The following TBC1D10B variants were observed in gnomAD, a reference collection of about 807,000 sequenced individuals.
The protein encoded by TBC1D10B is TBC1 domain family member 10B, also known as Rab27A-GAPbeta.
TBC1D10B carries 25 observed loss-of-function variants against 78.4 expected under a neutral mutation model. The ratio of observed to expected loss-of-function variants is 0.32; its 90% CI spans 0.23 to 0.45. TBC1D10B has a LOEUF of 0.45. Ranked by LOEUF, TBC1D10B falls within the 20% of genes least tolerant of loss-of-function variation. The pLI is 1.00. For missense variants in TBC1D10B, 996 were observed against 1,104.8 expected, an observed-to-expected ratio of 0.90 and a Z score of 1.40; for synonymous variants, 517 against 478.0, an observed-to-expected ratio of 1.08 and a Z score of -1.06.
rs753073793 is a variant in TBC1D10B at position 30,358,815 on chromosome 16, C to T, written c.1645G>A (p.Val549Ile). 8.7e-6 allele frequency: 14 copies of T among 1,605,376 alleles called. No homozygotes were observed. In the East Asian group the frequency reaches 1.1e-4, roughly 13 times the overall value. Reference protein sequence around the residue: ...RVWDMFFCEGVKIIFRVALVL... With the variant: ...RVWDMFFCEGIKIIFRVALVL... ...AGGGCCACCCGGAAGATGATCTTAA[C>T]GCCTGCAGGGGTGGAGAGTAGAGAG... Residue 549 changes from valine to isoleucine, a missense_variant and splice_region_variant, in exon 8 of 9, where the codon GTT becomes ATT. Physicochemically the swap from Val to Ile is conservative, Grantham distance 29. Around this residue, in one of 5 missense-constraint regions of TBC1D10B, gnomAD observed 168 missense variants for 238.7 expected, o/e 0.70. Coordinates refer to ENST00000409939, the MANE Select transcript of TBC1D10B (RefSeq NM_015527.4).
Position 30,365,904 on chromosome 16 carries a change from A to C in TBC1D10B, c.957-310T>G, listed in dbSNP as rs1018458890. On this transcript the variant is annotated intron_variant, in intron 1 of 8. Coordinates refer to ENST00000409939, the MANE Select transcript of TBC1D10B (RefSeq NM_015527.4). The surrounding 1 kb of genome is among the most constrained non-coding windows in gnomAD (Gnocchi z 5.0). ...TCTGGATCCACGTCCTAGCTTTACC[A>C]TTTATTCATTGTGTGACCTTGGGCA... The C allele has an allele frequency of 2.4e-5, 8 of 335,020 alleles. No individual in the cohort carries two copies. Among genetic ancestry groups the C allele is most frequent in the African/African-American group, 1.0e-4 (5 of 48,150 alleles). 20.8% of individuals were successfully genotyped at this position (335,020 alleles called of 1,614,324 possible). A position where few individuals can be genotyped will look rare whatever the true frequency, so the allele number is the denominator to read the frequency against.
chr16:30,357,891 G>A lies in TBC1D10B; in HGVS notation c.*53C>T. On this transcript the variant is annotated 3_prime_UTR_variant, in exon 9 of 9. Transcript: ENST00000409939. ...GGGGGTGGCACCTTGGGCCAGGCCT[G>A]TTCTTGGCTGAGGGAAAGAGGGGGG... 6.6e-7 allele frequency: 1 copy of A among 1,515,272 alleles called. No homozygotes were observed. The highest frequency in any genetic ancestry group is 8.8e-7 in the Non-Finnish European group (1 of 1,130,922). 93.9% of individuals were successfully genotyped at this position (1,515,272 alleles called of 1,614,324 possible). A position where few individuals can be genotyped will look rare whatever the true frequency, so the allele number is the denominator to read the frequency against.
rs1203248153 is a variant in TBC1D10B, at chr16:30,370,240, C to T, written c.-57G>A. ...GGGGAGGCCGCAGAAGGCGCCGCCC[C>T]TCGGGCCTCCCGGCGAGGCCAGCCG... On this transcript the variant is annotated 5_prime_UTR_variant, in exon 1 of 9. Transcript: ENST00000409939. 6.3e-6 allele frequency: 6 copies of T among 953,428 alleles called. No individual in the cohort carries two copies. The highest frequency in any genetic ancestry group is 1.0e-4 in the Admixed American group (2 of 19,978). The allele number at this position is 953,428 out of a possible 1,614,324, so 59.1% of individuals were successfully genotyped here. A position where few individuals can be genotyped will look rare whatever the true frequency, so the allele number is the denominator to read the frequency against.
rs1375702308 is a variant in TBC1D10B at position 30,357,169 on chromosome 16, G to A, written c.*775C>T. 2.0e-5 allele frequency: 3 copies of A among 152,872 alleles called. No individual in the cohort carries two copies. In the East Asian group the frequency reaches 5.8e-4, roughly 29 times the overall value. 9.5% of individuals were successfully genotyped at this position (152,872 alleles called of 1,614,324 possible). A position where few individuals can be genotyped will look rare whatever the true frequency, so the allele number is the denominator to read the frequency against. On this transcript the variant is annotated 3_prime_UTR_variant, in exon 9 of 9. Coordinates refer to ENST00000409939, the MANE Select transcript of TBC1D10B (RefSeq NM_015527.4). ...GCATGGGGTGGGGGCAGAGACAGAA[G>A]AGAATGTAAACATTGGGTTCCACCC...
intron 5 of TBC1D10B, 35 bp downstream of exon 5, chr16:30,359,692 C>T: frequency 6.4e-7 from 1 of 1,555,350 alleles, no homozygotes; most frequent in Non-Finnish European, 8.7e-7. Flanking sequence ...GTGAGATCCC[C>T]CCTGCCCCTC....
chr16:30,361,400 A>G (rs1366928730), intron 4 of TBC1D10B, among the ~76,000 whole-genome samples: 1 of 152,188 alleles, frequency 6.6e-6, no homozygotes, highest in East Asian at 1.9e-4. Context: ...CCCATTCTCC[A>G]GTTAGGGTTT....
chr16:30,361,620 G>A (rs554752892), intron 4 of TBC1D10B, among the ~76,000 whole-genome samples: 1 of 152,070 alleles, frequency 6.6e-6, no homozygotes. Context: ...GGTCAGGCTG[G>A]TCTCAAACTC....
chr16:30,363,896 A>G (rs934425576), intron 4 of TBC1D10B, among the ~76,000 whole-genome samples: 11 of 152,162 alleles, frequency 7.2e-5, no homozygotes, highest in African/African-American at 2.7e-4. Context: ...CAGGTGAATC[A>G]CCTAAGGTCA....
Position 30,369,119 on chromosome 16 carries a change from A to T in TBC1D10B, c.956+109T>A. Reference sequence around the variant, plus strand: ...CGCGCTGATCACCCCGTGGATCCTCAGAGGAGGCTGGGCTGCCAGAGTCTG... The same window carrying T: ...CGCGCTGATCACCCCGTGGATCCTCTGAGGAGGCTGGGCTGCCAGAGTCTG... On this transcript the variant is annotated intron_variant, in intron 1 of 8. Transcript: ENST00000409939. This position sits in a 1 kb window ranked among gnomAD's most constrained non-coding sequence, Gnocchi z 4.3. The T allele has an allele frequency of 8.5e-7, 1 of 1,179,418 alleles. No individual in the cohort carries two copies. The highest frequency in any genetic ancestry group is 1.2e-6 in the Non-Finnish European group (1 of 855,192). 73.1% of individuals were successfully genotyped at this position (1,179,418 alleles called of 1,614,324 possible). A position where few individuals can be genotyped will look rare whatever the true frequency, so the allele number is the denominator to read the frequency against.
intron 4 of TBC1D10B, among the ~76,000 whole-genome samples, chr16:30,361,713 GT>G (rs893156502): frequency 3.0e-4 from 44 of 144,782 alleles, no homozygotes; most frequent in Admixed American, 2.7e-4. Flanking sequence ...CCACAAAACT[GT>G]TTTTTTTTTC....
intron 4 of TBC1D10B, among the ~76,000 whole-genome samples, chr16:30,361,798 G>A (rs1567412737): frequency 6.6e-6 from 1 of 151,558 alleles, no homozygotes; most frequent in African/African-American, 2.4e-5. Flanking sequence ...TGAAACCTCT[G>A]CCTCAGCCTC....
Position 30,358,820 on chromosome 16 carries a change from G to A in TBC1D10B, c.1643-3C>T. ...CACCCGGAAGATGATCTTAACGCCT[G>A]CAGGGGTGGAGAGTAGAGAGCATGG... On this transcript the variant is annotated splice_polypyrimidine_tract_variant and splice_region_variant and intron_variant, in intron 7 of 8. Coordinates refer to ENST00000409939, the MANE Select transcript of TBC1D10B (RefSeq NM_015527.4). The A allele has an allele frequency of 6.2e-7, 1 of 1,603,764 alleles. No homozygotes were observed. Among genetic ancestry groups the A allele is most frequent in the South Asian group, 1.1e-5 (1 of 89,292 alleles).
chr16:30,358,754 T>G lies in TBC1D10B; in HGVS notation c.1706A>C (p.Lys569Thr), dbSNP rs1233632982. Reference sequence around the variant, plus strand: ...ATACATGCCTTGGCAGGAGCGCAGCTTCTCCACTGAGCCCAGCGTGTGGCG... The same window carrying G: ...ATACATGCCTTGGCAGGAGCGCAGCGTCTCCACTGAGCCCAGCGTGTGGCG... Reference protein sequence around the residue: ...LLRHTLGSVEKLRSCQGMYET... With the variant: ...LLRHTLGSVETLRSCQGMYET... Residue 569 changes from lysine (K) to threonine (T), a missense_variant, in exon 8 of 9, where the codon AAG becomes ACG. This residue lies in a region of TBC1D10B where 168 missense variants were observed against 238.7 expected (regional missense o/e 0.70). Coordinates refer to ENST00000409939, the MANE Select transcript of TBC1D10B (RefSeq NM_015527.4). The G allele has an allele frequency of 6.2e-7, 1 of 1,609,742 alleles. No homozygotes were observed. The highest frequency in any genetic ancestry group is 1.7e-5 in the Admixed American group (1 of 59,336).
intron 4 of TBC1D10B, among the ~76,000 whole-genome samples, chr16:30,361,954 C>T (rs1480282132): frequency 6.6e-6 from 1 of 152,136 alleles, no homozygotes; most frequent in Admixed American, 6.5e-5. Flanking sequence ...TCACACCATT[C>T]TCCTGCCTCA....
At position 30,369,758 on chromosome 16, in the gene TBC1D10B, G is replaced by T; in HGVS notation, c.426C>A (p.Pro142=). The T allele has an allele frequency of 6.9e-7, 1 of 1,453,418 alleles. No homozygotes were observed. Among genetic ancestry groups the T allele is most frequent in the Non-Finnish European group, 9.1e-7 (1 of 1,100,320 alleles). The allele number at this position is 1,453,418 out of a possible 1,614,324, so 90.0% of individuals were successfully genotyped here. Residue 142 remains proline (P), a synonymous_variant, in exon 1 of 9, where the codon CCC becomes CCA. Coordinates refer to ENST00000409939, the MANE Select transcript of TBC1D10B (RefSeq NM_015527.4). This position sits in a 1 kb window ranked among gnomAD's most constrained non-coding sequence, Gnocchi z 4.3. ...SPKTEEARPS[P]APGPGTPTGT... ...CGGTGGGGGTCCCTGGTCCTGGGGC[G>T]GGTGAGGGTCGAGCCTCCTCTGTCT...
rs543130803 is a variant in TBC1D10B, at chr16:30,365,658, G to A, written c.957-64C>T. The A allele has an allele frequency of 1.3e-5, 19 of 1,482,562 alleles. No individual in the cohort carries two copies. Among genetic ancestry groups the A allele is most frequent in the Non-Finnish European group, 1.8e-5 (19 of 1,067,528 alleles). 91.8% of individuals were successfully genotyped at this position (1,482,562 alleles called of 1,614,324 possible). A position where few individuals can be genotyped will look rare whatever the true frequency, so the allele number is the denominator to read the frequency against. On this transcript the variant is annotated intron_variant, in intron 1 of 8. Transcript: ENST00000409939. This position sits in a 1 kb window ranked among gnomAD's most constrained non-coding sequence, Gnocchi z 5.0. ...TAGTGTAAAACCTGCATTGCAGGGG[G>A]AACTGAGGCAAGCCACCTCCCCAAG...
chr16:30,357,512 G>A lies in TBC1D10B; in HGVS notation c.*432C>T, dbSNP rs1257210953. On this transcript the variant is annotated 3_prime_UTR_variant, in exon 9 of 9. Transcript: ENST00000409939. ...CAATTACAACACAGGTCCAGAATGA[G>A]AGCCCTGGCCAGGAAGTGGGGGAGA... 2 of 217,014 alleles carry A rather than the reference G, an allele frequency of 9.2e-6. No homozygotes were observed. Among genetic ancestry groups the A allele is most frequent in the East Asian group, 2.1e-4 (2 of 9,642 alleles). 13.4% of individuals were successfully genotyped at this position (217,014 alleles called of 1,614,324 possible). A position where few individuals can be genotyped will look rare whatever the true frequency, so the allele number is the denominator to read the frequency against.
At chr16:30,363,031 C>T (rs1484284424) in intron 4 of TBC1D10B, among the ~76,000 whole-genome samples, 2 of 152,076 alleles carry the variant, frequency 1.3e-5, no homozygotes, top group Non-Finnish European at 2.9e-5. Flanking sequence ...AGCGAGACTC[C>T]GTCTCAAAAA....
Position 30,359,670 on chromosome 16 carries a change from C to T in TBC1D10B, c.1386+57G>A. The T allele has an allele frequency of 2.6e-6, 4 of 1,554,228 alleles. No individual in the cohort carries two copies. The South Asian group carries it at 4.7e-5, about 18-fold the overall frequency. ...AGCAGGGAGCAGGGAGCTCCCCCAT[C>T]ACCACTGTAGGGTGAGATCCCCCCT... On this transcript the variant is annotated intron_variant, in intron 5 of 8. Coordinates refer to ENST00000409939, the MANE Select transcript of TBC1D10B (RefSeq NM_015527.4).
Sources: gnomAD v4.1 joint callset for allele counts (sites outside exome capture counted in the v4.1 genomes callset) on GRCh38, gnomAD v4.1.1 for gene constraint, gnomAD v4.1.1 regional missense constraint, Gnocchi (gnomAD v3.1) non-coding constraint, MANE v1.5 for transcripts, NCBI Gene and HGNC (gene_info 2026-07-23, HGNC 2026-07-21) for gene names.